Variants in THSD7B observed in about 807,000 individuals in gnomAD.
THSD7B encodes thrombospondin type 1 domain containing 7B.
A neutral mutation model predicts 213.6 loss-of-function variants in THSD7B; 138 were observed. The observed-to-expected ratio is 0.65, with a 90% CI of 0.56 to 0.74. The LOEUF (loss-of-function observed/expected upper bound fraction) is 0.74, where lower values mean the gene tolerates loss of function less well. Ranked by LOEUF, THSD7B falls within the 30% of genes least tolerant of loss-of-function variation. THSD7B has a pLI of 0.00. For missense variants in THSD7B, 1,931 were observed against 1,991.5 expected (o/e 0.97, Z 0.58); for synonymous variants, 742 against 687.0 (o/e 1.08, Z -1.25).
At chr2:137,427,335 A>C (rs1197167395) in intron 14 of THSD7B, among the ~76,000 whole-genome samples, 2 of 152,088 alleles carry the variant, frequency 1.3e-5, no homozygotes, top group African/African-American at 4.8e-5. Flanking sequence ...CACTATCTCA[A>C]AGAGACGTCT....
intron 2 of THSD7B, among the ~76,000 whole-genome samples, chr2:136,924,624 G>A (rs1355477854): frequency 4.6e-5 from 7 of 151,960 alleles, no homozygotes; most frequent in Admixed American, 4.6e-4. Context: ...TGAGGCCTTG[G>A]CCTTATTTTT....
chr2:136,935,515 A>G (rs1176044111), intron 2 of THSD7B, among the ~76,000 whole-genome samples: 1 of 152,200 alleles, frequency 6.6e-6, no homozygotes, highest in East Asian at 1.9e-4. Context: ...GAGATTCACC[A>G]ATCACTAGCT....
chr2:137,282,365 T>A (rs986909709), intron 12 of THSD7B, among the ~76,000 whole-genome samples: 1 of 152,210 alleles, frequency 6.6e-6, no homozygotes, highest in Non-Finnish European at 1.5e-5. Flanking sequence ...GCCTGTTCAC[T>A]CTGATGGTAG....
intron 15 of THSD7B, among the ~76,000 whole-genome samples, chr2:137,526,426 G>A (rs1476843409): frequency 1.3e-5 from 2 of 151,922 alleles, no homozygotes; most frequent in East Asian, 1.9e-4. Flanking sequence ...GTTGTTGTTT[G>A]TTTGTTTGTT....
At chr2:136,920,165 T>A (rs577461143) in intron 2 of THSD7B, among the ~76,000 whole-genome samples, 1 of 152,354 alleles carries the variant, frequency 6.6e-6, no homozygotes, top group Admixed American at 6.5e-5. Context: ...GGTTCCAAGT[T>A]CTTGTCCCAT....
chr2:137,652,990 A>C (rs910794308), intron 21 of THSD7B, among the ~76,000 whole-genome samples: 1 of 152,122 alleles, frequency 6.6e-6, no homozygotes, highest in African/African-American at 2.4e-5. Flanking sequence ...TGCACACCAC[A>C]ATTACAGTAT....
At chr2:137,509,705 G>T (rs939751077) in intron 15 of THSD7B, among the ~76,000 whole-genome samples, 2 of 152,054 alleles carry the variant, frequency 1.3e-5, no homozygotes, top group African/African-American at 4.8e-5. Context: ...CTGAGTTTTG[G>T]CTACTACCAA....
chr2:137,208,807 G>C (rs1483819828), intron 7 of THSD7B, among the ~76,000 whole-genome samples: 1 of 152,040 alleles, frequency 6.6e-6, no homozygotes, highest in Non-Finnish European at 1.5e-5. Flanking sequence ...GGTAGAGTCA[G>C]CTGGTCATCA....
At chr2:137,540,546 T>C (rs1343166131) in intron 15 of THSD7B, among the ~76,000 whole-genome samples, 4 of 151,584 alleles carry the variant, frequency 2.6e-5, no homozygotes, top group Admixed American at 6.6e-5. Context: ...CTGAACAGGA[T>C]TGGAACTCCT....
At chr2:136,940,441 G>C (rs147712846) in intron 2 of THSD7B, among the ~76,000 whole-genome samples, 1 of 151,838 alleles carries the variant, frequency 6.6e-6, no homozygotes, top group Admixed American at 6.6e-5. Flanking sequence ...TTTTGATAAA[G>C]CCTTAATATT....
intron 5 of THSD7B, among the ~76,000 whole-genome samples, chr2:137,149,411 C>T (rs542659721): frequency 1.6e-4 from 25 of 152,276 alleles, no homozygotes; most frequent in Admixed American, 1.2e-3. Flanking sequence ...GAGAAGAGGG[C>T]CACTGTTCTC....
At chr2:137,039,974 G>A (rs1479706977) in intron 2 of THSD7B, among the ~76,000 whole-genome samples, 6 of 152,160 alleles carry the variant, frequency 3.9e-5, no homozygotes, top group African/African-American at 1.4e-4. Context: ...GTAGCTGACT[G>A]CTTCTATGGA....
intron 17 of THSD7B, among the ~76,000 whole-genome samples, chr2:137,598,521 G>A (rs2104820528): frequency 6.6e-6 from 1 of 152,304 alleles, no homozygotes; most frequent in Non-Finnish European, 1.5e-5. Context: ...TGTACAGTAA[G>A]TTAGCAAACA....
At chr2:137,676,004 G>GACTT (rs1683691900) in intron 27 of THSD7B, among the ~76,000 whole-genome samples, 2 of 152,206 alleles carry the variant, frequency 1.3e-5, no homozygotes, top group Non-Finnish European at 2.9e-5. Flanking sequence ...CAAAGTTGTG[G>GACTT]ACTTCAGGTA....
rs147109054 is a variant in THSD7B, at chr2:137,153,110, C to CAG, written c.1370-7102_1370-7101insGA. 2.2e-3 allele frequency among the ~76,000 whole-genome samples: 333 copies of CAG among 152,232 alleles called. 4 individuals carry two copies. Among genetic ancestry groups the CAG allele is most frequent in the African/African-American group, 7.5e-3 (313 of 41,540 alleles). On this transcript the variant is annotated intron_variant, in intron 5 of 27. Coordinates refer to ENST00000409968, the MANE Select transcript of THSD7B (RefSeq NM_001316349.2). Reference sequence around the variant, plus strand: ...AGGAGAGAACATATGATAATAGAAACATGAATATATGGCTGAAGGCTACTA... The same window carrying CAG: ...AGGAGAGAACATATGATAATAGAAACAGATGAATATATGGCTGAAGGCTACTA...
At chr2:136,882,964 C>G (rs1419028083) in intron 2 of THSD7B, among the ~76,000 whole-genome samples, 2 of 152,122 alleles carry the variant, frequency 1.3e-5, no homozygotes, top group African/African-American at 4.8e-5. Flanking sequence ...AATTTAATTT[C>G]AGAGCCTAAT....
intron 15 of THSD7B, among the ~76,000 whole-genome samples, chr2:137,553,199 C>T (rs1317112435): frequency 6.6e-6 from 1 of 152,086 alleles, no homozygotes; most frequent in Admixed American, 6.6e-5. Flanking sequence ...GCATGGAGGT[C>T]TCAAGCTTGA....
intron 15 of THSD7B, among the ~76,000 whole-genome samples, chr2:137,481,933 T>A (rs531779489): frequency 6.6e-6 from 1 of 152,296 alleles, no homozygotes; most frequent in East Asian, 1.9e-4. Context: ...ATCCCAGCAC[T>A]TTAGGAGGCC....
chr2:137,457,115 CCA>C (rs1687778765), intron 15 of THSD7B, among the ~76,000 whole-genome samples: 1 of 152,140 alleles, frequency 6.6e-6, no homozygotes, highest in African/African-American at 2.4e-5. Context: ...ACATTTGTAT[CCA>C]CACACACCCT....
Sources: gnomAD v4.1 joint callset for allele counts (sites outside exome capture counted in the v4.1 genomes callset) on GRCh38, gnomAD v4.1.1 for gene constraint, MANE v1.5 for transcripts, NCBI Gene and HGNC (gene_info 2026-07-23, HGNC 2026-07-21) for gene names.